Variants in TTC3 observed in about 807,000 individuals in gnomAD.
TTC3 encodes the protein E3 ubiquitin-protein ligase TTC3.
A neutral mutation model predicts 249.6 loss-of-function variants in TTC3; 180 were observed. The ratio of observed to expected loss-of-function variants is 0.72; its 90% confidence interval spans 0.64 to 0.82. The LOEUF (loss-of-function observed/expected upper bound fraction) is 0.82. TTC3 is among the 40% of genes least tolerant of loss of function. The pLI is 0.00. For missense variants in TTC3, 2,061 were observed against 2,398.4 expected (o/e 0.86, Z 2.94); for synonymous variants, 717 against 805.0 (o/e 0.89, Z 1.85).
chr21:37,141,189 T>C (rs1177816462), intron 20 of TTC3, among the ~76,000 whole-genome samples: 1 of 152,200 alleles, frequency 6.6e-6, no homozygotes, highest in Non-Finnish European at 1.5e-5. Context: ...TCATGTCTCT[T>C]AGTCTTGTCT....
intron 33 of TTC3, 88 bp from the exon 34 acceptor site, chr21:37,167,467 G>A: frequency 1.1e-6 from 1 of 920,744 alleles, no homozygotes; most frequent in Non-Finnish European, 1.7e-6. Context: ...AAAAATTGTG[G>A]GTGTGTTTTA....
At chr21:37,122,984 T>A in exon 13 of TTC3, 1 of 1,613,868 alleles carries the variant, frequency 6.2e-7, no homozygotes, top group Non-Finnish European at 8.5e-7. Context: ...CTTTTATAGG[T>A]CGAACAGCAA....
intron 11 of TTC3, among the ~76,000 whole-genome samples, chr21:37,108,855 G>A (rs897677265): frequency 6.6e-6 from 1 of 152,078 alleles, no homozygotes; most frequent in Non-Finnish European, 1.5e-5. Flanking sequence ...TGGCTATATC[G>A]AACTTAAAAA....
chr21:37,087,210 A>G, intron 1 of TTC3, 37 bp from the exon 2 acceptor site: 1 of 1,600,690 alleles, frequency 6.2e-7, no homozygotes, highest in Non-Finnish European at 8.5e-7. Context: ...ATCTCAAATG[A>G]TTTAATTACT....
In TTC3 at chr21:37,076,694, A is replaced by ATTTTTT. The variant is rs61629167; in HGVS notation, c.-12+3351_-12+3356dup. On this transcript the variant is annotated intron_variant, in intron 1 of 45. Transcript: ENST00000355666. ...AAACTCCCTTGGGGAAAACAAAGGGATTTTTTTTTTTTTTTTTTTTTTTTT... is the reference window on the plus strand; with the variant it reads ...AAACTCCCTTGGGGAAAACAAAGGGATTTTTTTTTTTTTTTTTTTTTTTTTTTTTTT... 5.7e-3 allele frequency among the ~76,000 whole-genome samples: 538 copies of ATTTTTT among 94,972 alleles called. 31 individuals are homozygous for ATTTTTT. Among genetic ancestry groups the ATTTTTT allele is most frequent in the East Asian group, 8.3e-3 (26 of 3,148 alleles). The allele number at this position is 94,972 out of a possible 152,430, so 62.3% of individuals were successfully genotyped here.
intron 20 of TTC3, 41 bp downstream of exon 20, chr21:37,140,714 C>T (rs755289516): frequency 2.9e-6 from 4 of 1,385,690 alleles, no homozygotes; most frequent in Non-Finnish European, 4.0e-6. Context: ...AGGCTGGTAA[C>T]TCATTTAAAA....
chr21:37,154,940 C>CCACCT (rs1289090224), intron 27 of TTC3, among the ~76,000 whole-genome samples: 2 of 152,112 alleles, frequency 1.3e-5, no homozygotes, highest in Non-Finnish European at 2.9e-5. Flanking sequence ...CGTGATCTGC[C>CCACCT]CACCTCGGCC....
intron 28 of TTC3, chr21:37,157,259 G>A: frequency 1.7e-6 from 2 of 1,150,548 alleles, no homozygotes; most frequent in South Asian, 1.3e-5. Context: ...TTGGTCTGCA[G>A]AAGTAGGTGA....
chr21:37,093,305 G>C (rs2073523115), intron 7 of TTC3: 1 of 151,036 alleles, frequency 6.6e-6, no homozygotes, highest in African/African-American at 2.4e-5. Context: ...CTTGAACCCG[G>C]GAGGCGGAGT....
intron 11 of TTC3, among the ~76,000 whole-genome samples, chr21:37,118,742 T>C (rs755500515): frequency 1.3e-5 from 2 of 152,174 alleles, no homozygotes; most frequent in Non-Finnish European, 2.9e-5. Flanking sequence ...TGTTTAGTCT[T>C]TTTTCTAGCT....
At position 37,103,193 on chromosome 21, in the gene TTC3, G is replaced by A. The variant is rs140383711; in HGVS notation, c.846-5199G>A. Among the ~76,000 whole-genome samples the A allele has an allele frequency of 1.5e-3, 222 of 152,294 alleles. 2 individuals are homozygous for A. The highest frequency in any genetic ancestry group is 4.9e-3 in the African/African-American group (203 of 41,564). On this transcript the variant is annotated intron_variant, in intron 10 of 45. Coordinates refer to ENST00000355666, the Ensembl canonical transcript of TTC3. ...GAGAGGGAATAACTGTTCTTTACAA[G>A]CATCATCTTTTAGGGCAGAATGTAG...
At chr21:37,202,399 T>G (rs2085578275) in exon 46 of TTC3, 1 of 152,254 alleles carries the variant, frequency 6.6e-6, no homozygotes, top group Admixed American at 6.5e-5. Flanking sequence ...TGTCCTCTTC[T>G]GTGAGTCAGT....
At chr21:37,077,520 G>C (rs549225018) in intron 1 of TTC3, among the ~76,000 whole-genome samples, 45 of 152,278 alleles carry the variant, frequency 3.0e-4, no homozygotes, top group African/African-American at 1.0e-3. Flanking sequence ...TTTGTACTTT[G>C]GCCAGCAGTT....
At chr21:37,103,793 A>G (rs1408124124) in intron 10 of TTC3, among the ~76,000 whole-genome samples, 1 of 152,170 alleles carries the variant, frequency 6.6e-6, no homozygotes, top group Non-Finnish European at 1.5e-5. Flanking sequence ...CATTTGTGGA[A>G]CTGATAGTTG....
chr21:37,189,823 G>A (rs992926486), intron 39 of TTC3, among the ~76,000 whole-genome samples: 1 of 151,556 alleles, frequency 6.6e-6, no homozygotes, highest in African/African-American at 2.4e-5. Context: ...TAGGATTACA[G>A]GAGTGCCTCC....
intron 11 of TTC3, among the ~76,000 whole-genome samples, chr21:37,114,695 G>A (rs1429119661): frequency 6.6e-6 from 1 of 152,044 alleles, no homozygotes; most frequent in Admixed American, 6.6e-5. Flanking sequence ...TATACCCAAA[G>A]GATTATAAAT....
intron 11 of TTC3, among the ~76,000 whole-genome samples, chr21:37,119,832 G>A (rs915677729): frequency 3.3e-5 from 5 of 152,162 alleles, no homozygotes; most frequent in Admixed American, 2.6e-4. Context: ...GGAGGTTAGA[G>A]TGTAGGCGCT....
chr21:37,177,828 A>G (rs559134326), intron 35 of TTC3, among the ~76,000 whole-genome samples: 1 of 152,328 alleles, frequency 6.6e-6, no homozygotes, highest in East Asian at 1.9e-4. Flanking sequence ...ATTGAGATAT[A>G]ATTAACCATA....
At chr21:37,088,038 TG>T (rs2072743333) in intron 3 of TTC3, 157 bp from the exon 4 acceptor site, 12 of 935,210 alleles carry the variant, frequency 1.3e-5, no homozygotes, top group Non-Finnish European at 1.7e-5. Flanking sequence ...ATAGAGTTTT[TG>T]CCAGCACTTA....
Sources: gnomAD v4.1 joint callset for allele counts (sites outside exome capture counted in the v4.1 genomes callset) on GRCh38, gnomAD v4.1.1 for gene constraint, MANE v1.5 for transcripts, NCBI Gene and HGNC (gene_info 2026-07-23, HGNC 2026-07-21) for gene names.